CERS6: variants seen among roughly 807,000 people sequenced by gnomAD.
The protein encoded by CERS6 is LAG1 homolog, ceramide synthase 6.
In CERS6, 26 loss-of-function variants were observed where a neutral mutation model predicts 56.8. The ratio of observed to expected loss-of-function variants is 0.46; its 90% CI spans 0.34 to 0.63. The LOEUF is 0.63. Among genes scored for constraint, CERS6 ranks in the 30% least tolerant of loss-of-function variants. The probability of loss-of-function intolerance (pLI) is 0.01; values close to 1 mark genes in which losing one functional copy is unlikely to be tolerated. For synonymous variants in CERS6, 164 were observed against 173.3 expected (o/e 0.95, Z 0.42); for missense variants, 415 against 467.5 (o/e 0.89, Z 1.04).
At chr2:168,589,813 A>G (rs893812635) in intron 3 of CERS6, among the ~76,000 whole-genome samples, 5 of 152,240 alleles carry the variant, frequency 3.3e-5, no homozygotes, top group South Asian at 2.1e-4. Context: ...CTTTATTGGT[A>G]TAACCATTAG....
intron 9 of CERS6, among the ~76,000 whole-genome samples, chr2:168,766,725 C>T (rs1176078086): frequency 6.6e-6 from 1 of 152,186 alleles, no homozygotes; most frequent in Non-Finnish European, 1.5e-5. Context: ...AGAGGATCAA[C>T]ACATTGCAGA....
intron 4 of CERS6, among the ~76,000 whole-genome samples, chr2:168,671,106 G>A (rs1330558049): frequency 4.6e-5 from 7 of 151,620 alleles, no homozygotes; most frequent in African/African-American, 1.7e-4. Flanking sequence ...GACTACAGGT[G>A]CATGCCACCA....
At chr2:168,507,862 T>A (rs979841956) in intron 1 of CERS6, among the ~76,000 whole-genome samples, 1 of 152,250 alleles carries the variant, frequency 6.6e-6, no homozygotes. Context: ...TTCTCTTTCT[T>A]CTCTGGGAAA....
At chr2:168,728,446 A>G (rs10182380) in intron 8 of CERS6, among the ~76,000 whole-genome samples, 4,667 of 142,298 alleles carry the variant, frequency 0.033, 94 homozygotes, top group Non-Finnish European at 0.048. Flanking sequence ...CTGGAGTGCA[A>G]TGGCGCGATC....
At chr2:168,685,182 A>G (rs1014258467) in intron 4 of CERS6, among the ~76,000 whole-genome samples, 1 of 152,230 alleles carries the variant, frequency 6.6e-6, no homozygotes, top group Non-Finnish European at 1.5e-5. Context: ...AATTTGCCTC[A>G]AGATGCTGAT....
At chr2:168,603,298 TG>T (rs1267570332) in intron 3 of CERS6, among the ~76,000 whole-genome samples, 10 of 152,332 alleles carry the variant, frequency 6.6e-5, no homozygotes, top group Admixed American at 2.6e-4. Flanking sequence ...GGAATAACCC[TG>T]AGTGACTTAG....
At chr2:168,496,705 A>G (rs1014209760) in intron 1 of CERS6, among the ~76,000 whole-genome samples, 2 of 152,188 alleles carry the variant, frequency 1.3e-5, no homozygotes, top group African/African-American at 4.8e-5. Context: ...TAGAGTACTT[A>G]TATTATGTTG....
At chr2:168,481,351 T>G (rs1433064909) in intron 1 of CERS6, among the ~76,000 whole-genome samples, 1 of 152,160 alleles carries the variant, frequency 6.6e-6, no homozygotes, top group South Asian at 2.1e-4. Context: ...GAGGCGGAGC[T>G]TGCAGTGAGC....
At chr2:168,652,874 C>T (rs548692819) in intron 4 of CERS6, among the ~76,000 whole-genome samples, 17 of 152,252 alleles carry the variant, frequency 1.1e-4, no homozygotes, top group African/African-American at 3.9e-4. Flanking sequence ...AGTTTCATTC[C>T]TTGTAAAAGT....
At chr2:168,726,658 C>T (rs1206434806) in intron 8 of CERS6, among the ~76,000 whole-genome samples, 1 of 152,188 alleles carries the variant, frequency 6.6e-6, no homozygotes, top group Admixed American at 6.5e-5. Context: ...ATGGTAAATA[C>T]TCTACCTACC....
At chr2:168,634,872 A>C (rs1328248924) in intron 4 of CERS6, among the ~76,000 whole-genome samples, 1 of 152,224 alleles carries the variant, frequency 6.6e-6, no homozygotes, top group Non-Finnish European at 1.5e-5. Context: ...TAATATAAAG[A>C]ATCATTAACC....
At position 168,607,668 on chromosome 2, in the gene CERS6, C is replaced by G. The variant is rs187460118; in HGVS notation, c.408-23317C>G. On this transcript the variant is annotated intron_variant, in intron 3 of 9. Transcript: ENST00000305747. ...GTGCTGGGATTACAGGCGTGAGCCA[C>G]TGTGCCAGGCCAAAACTAGTATATC... Among the ~76,000 whole-genome samples, 23 of 152,328 alleles carry G rather than the reference C, an allele frequency of 1.5e-4. No homozygotes were observed. In the East Asian group the frequency reaches 3.3e-3, roughly 22 times the overall value.
intron 3 of CERS6, among the ~76,000 whole-genome samples, chr2:168,606,881 C>T (rs770322901): frequency 6.6e-6 from 1 of 152,128 alleles, no homozygotes; most frequent in East Asian, 1.9e-4. Flanking sequence ...GGCACCTTCC[C>T]CCTCTCTCTC....
intron 8 of CERS6, among the ~76,000 whole-genome samples, chr2:168,762,004 CAG>C (rs1475874973): frequency 2.0e-5 from 3 of 151,986 alleles, no homozygotes; most frequent in Admixed American, 6.6e-5. Flanking sequence ...TGGGGCCTGT[CAG>C]GGGGTCAGGG....
chr2:168,547,349 A>G (rs1334071810), intron 1 of CERS6, among the ~76,000 whole-genome samples: 1 of 152,162 alleles, frequency 6.6e-6, no homozygotes, highest in Non-Finnish European at 1.5e-5. Flanking sequence ...TCTCATTAGA[A>G]CTTGAGGATT....
At chr2:168,552,022 A>G (rs559136054) in intron 2 of CERS6, among the ~76,000 whole-genome samples, 63 of 152,290 alleles carry the variant, frequency 4.1e-4, no homozygotes, top group African/African-American at 1.5e-3. Flanking sequence ...TCAGGTATAA[A>G]GCCAGGTTTT....
At chr2:168,607,459 G>A (rs1333485743) in intron 3 of CERS6, among the ~76,000 whole-genome samples, 1 of 152,134 alleles carries the variant, frequency 6.6e-6, no homozygotes, top group East Asian at 1.9e-4. Flanking sequence ...TCAGCTCACT[G>A]CAACCTCCAA....
intron 8 of CERS6, among the ~76,000 whole-genome samples, chr2:168,729,688 G>C (rs1683462559): frequency 6.6e-6 from 1 of 152,236 alleles, no homozygotes; most frequent in Non-Finnish European, 1.5e-5. Flanking sequence ...TCTGATGGCA[G>C]TGTTGCCAAG....
At chr2:168,763,424 TA>T (rs1319160639) in intron 8 of CERS6, among the ~76,000 whole-genome samples, 2 of 151,662 alleles carry the variant, frequency 1.3e-5, no homozygotes, top group South Asian at 2.1e-4. Context: ...TTTTATTTTT[TA>T]TTTTTTTTGT....
Sources: gnomAD v4.1 joint callset for allele counts (sites outside exome capture counted in the v4.1 genomes callset) on GRCh38, gnomAD v4.1.1 for gene constraint, MANE v1.5 for transcripts, NCBI Gene and HGNC (gene_info 2026-07-23, HGNC 2026-07-21) for gene names.